The following THSD4 variants were observed in gnomAD, a reference collection of about 807,000 sequenced individuals.
THSD4 encodes thrombospondin type-1 domain-containing protein 4.
A neutral mutation model predicts 119.0 loss-of-function variants in THSD4; 69 were observed. The ratio of observed to expected loss-of-function variants is 0.58; its 90% CI spans 0.48 to 0.71. The LOEUF is 0.71. Ranked by LOEUF, THSD4 falls within the 30% of genes least tolerant of loss-of-function variation. THSD4 has a pLI of 0.00. For missense variants in THSD4, 1,393 were observed against 1,391.1 expected (o/e 1.00, Z -0.02); for synonymous variants, 524 against 540.4 (o/e 0.97, Z 0.42).
chr15:71,611,864 G>T (rs149647674), intron 7 of THSD4, among the ~76,000 whole-genome samples: 17 of 120,354 alleles, frequency 1.4e-4, no homozygotes, highest in Admixed American at 5.6e-4. Context: ...GGATCCCTGG[G>T]GTTGCTGGAT....
At chr15:71,776,027 A>C (rs2053906694) in intron 17 of THSD4, among the ~76,000 whole-genome samples, 1 of 151,888 alleles carries the variant, frequency 6.6e-6, no homozygotes, top group African/African-American at 2.4e-5. Context: ...AGAAAACTGA[A>C]CTCCCTCCTC....
intron 2 of THSD4, among the ~76,000 whole-genome samples, chr15:71,152,032 A>C (rs985482508): frequency 1.3e-5 from 2 of 152,176 alleles, no homozygotes; most frequent in African/African-American, 4.8e-5. Flanking sequence ...AGCAAGTTAT[A>C]ATTCAACTCT....
chr15:71,670,671 C>T (rs1234187126), intron 8 of THSD4, among the ~76,000 whole-genome samples: 5 of 151,050 alleles, frequency 3.3e-5, no homozygotes, highest in Non-Finnish European at 5.9e-5. Context: ...CAACACGCCC[C>T]GGTGTGATGT....
chr15:71,402,404 C>T (rs2046549083), intron 6 of THSD4, among the ~76,000 whole-genome samples: 1 of 152,116 alleles, frequency 6.6e-6, no homozygotes, highest in Non-Finnish European at 1.5e-5. Context: ...ACACTGGAGC[C>T]ATGTGATATA....
chr15:71,239,184 G>T (rs12912547), intron 4 of THSD4, among the ~76,000 whole-genome samples: 1 of 152,104 alleles, frequency 6.6e-6, no homozygotes, highest in Non-Finnish European at 1.5e-5. Context: ...CTATAACAAA[G>T]GTACTATTAT....
chr15:71,447,844 G>A (rs1391039513), intron 7 of THSD4, among the ~76,000 whole-genome samples: 3 of 152,134 alleles, frequency 2.0e-5, no homozygotes, highest in African/African-American at 7.2e-5. Flanking sequence ...CTAGAGTCTT[G>A]TTCTGCTCTC....
At position 71,296,971 on chromosome 15, in the gene THSD4, A is replaced by T. The variant is rs541248621; in HGVS notation, c.1015+40256A>T. ...GTGAAATGCTACTGTAATGGACCTC[A>T]GTGCTCTTTTCTTTCTTTTGGCTGT... On this transcript the variant is annotated intron_variant, in intron 6 of 17. Transcript: ENST00000261862. Among the ~76,000 whole-genome samples, 26 of 152,300 alleles carry T rather than the reference A, an allele frequency of 1.7e-4. No homozygotes were observed. In the South Asian group the frequency reaches 3.9e-3, roughly 23 times the overall value.
intron 6 of THSD4, among the ~76,000 whole-genome samples, chr15:71,328,785 A>C (rs527457449): frequency 1.1e-4 from 16 of 152,316 alleles, no homozygotes; most frequent in Admixed American, 3.3e-4. Context: ...TGATTTACAA[A>C]ATAAAAAGTT....
intron 6 of THSD4, among the ~76,000 whole-genome samples, chr15:71,326,700 A>AAATATATATAT (rs1555464320): frequency 1.5e-4 from 1 of 6,454 alleles, no homozygotes; most frequent in Non-Finnish European, 3.6e-4. Flanking sequence ...AAAAAAAAAA[A>AAATATATATAT]ATATATATAT....
intron 7 of THSD4, among the ~76,000 whole-genome samples, chr15:71,461,909 C>T (rs2047433904): frequency 6.6e-6 from 1 of 151,890 alleles, no homozygotes; most frequent in Non-Finnish European, 1.5e-5. Context: ...GAGTGCAGGC[C>T]AGGTTCTTTT....
At chr15:71,362,497 G>A (rs114993283) in intron 6 of THSD4, among the ~76,000 whole-genome samples, 1 of 152,136 alleles carries the variant, frequency 6.6e-6, no homozygotes, top group East Asian at 1.9e-4. Context: ...TAATTTTATA[G>A]TCAGTTGAGA....
Position 71,142,816 on chromosome 15 carries a change from T to A in THSD4, c.29+1260T>A, listed in dbSNP as rs183263472. 1.7e-3 allele frequency among the ~76,000 whole-genome samples: 264 copies of A among 152,356 alleles called. 1 individual carries two copies. Among genetic ancestry groups the A allele is most frequent in the African/African-American group, 6.2e-3 (259 of 41,590 alleles). On this transcript the variant is annotated intron_variant, in intron 2 of 17. Transcript: ENST00000261862. ...GTTTCCAAGTTGAATCATTATGATA[T>A]CTTGTAGTCTTTTTTCCATACCTGT... is the stretch of plus-strand genomic sequence containing the variant.
At chr15:71,240,039 A>G (rs757945306) in intron 4 of THSD4, among the ~76,000 whole-genome samples, 4 of 152,172 alleles carry the variant, frequency 2.6e-5, no homozygotes, top group Non-Finnish European at 4.4e-5. Context: ...TCACCTTTCC[A>G]ATGCTGTTGC....
chr15:71,645,658 A>C (rs893945931), intron 7 of THSD4, among the ~76,000 whole-genome samples: 5 of 152,162 alleles, frequency 3.3e-5, no homozygotes, highest in Non-Finnish European at 7.3e-5. Context: ...AAATAATTTA[A>C]AGTCCCAGGC....
chr15:71,217,433 G>A (rs912129772), intron 4 of THSD4, among the ~76,000 whole-genome samples: 1 of 151,950 alleles, frequency 6.6e-6, no homozygotes, highest in Non-Finnish European at 1.5e-5. Flanking sequence ...CTGGCTAAAC[G>A]TGGTGAAACC....
chr15:71,545,132 G>T (rs977632377), intron 7 of THSD4, among the ~76,000 whole-genome samples: 1 of 152,212 alleles, frequency 6.6e-6, no homozygotes, highest in Non-Finnish European at 1.5e-5. Flanking sequence ...CCACTCAATT[G>T]TATACTTAGT....
At chr15:71,734,434 T>C (rs2053042044) in intron 10 of THSD4, among the ~76,000 whole-genome samples, 2 of 152,134 alleles carry the variant, frequency 1.3e-5, no homozygotes, top group African/African-American at 2.4e-5. Flanking sequence ...CTATATGACA[T>C]TCTAGAAAAG....
chr15:71,641,263 T>G (rs745616668), intron 7 of THSD4, among the ~76,000 whole-genome samples: 3 of 152,078 alleles, frequency 2.0e-5, no homozygotes, highest in Non-Finnish European at 2.9e-5. Flanking sequence ...GGATCAGTCC[T>G]TCTATACCAT....
At chr15:71,442,636 GTGTGTATA>G (rs1250562484) in intron 7 of THSD4, among the ~76,000 whole-genome samples, 3 of 14,664 alleles carry the variant, frequency 2.0e-4, no homozygotes, top group African/African-American at 4.6e-4. Flanking sequence ...ATATGTATGT[GTGTGTATA>G]TGTGTGTGTG....
Sources: gnomAD v4.1 joint callset for allele counts (sites outside exome capture counted in the v4.1 genomes callset) on GRCh38, gnomAD v4.1.1 for gene constraint, MANE v1.5 for transcripts, NCBI Gene and HGNC (gene_info 2026-07-23, HGNC 2026-07-21) for gene names.